KRIT1: variants seen among roughly 807,000 people sequenced by gnomAD.
KRIT1 encodes the protein KRIT1 ankyrin repeat containing.
A neutral mutation model predicts 95.8 loss-of-function variants in KRIT1; 45 were observed. The ratio of observed to expected loss-of-function variants is 0.47; its 90% CI spans 0.37 to 0.60. The LOEUF is 0.60. Among genes scored for constraint, KRIT1 ranks in the 20% least tolerant of loss-of-function variants. KRIT1 has a pLI of 0.00. For synonymous variants in KRIT1, 282 were observed against 278.8 expected, an observed-to-expected ratio of 1.01 and a Z score of -0.11; for missense variants, 788 against 877.5, an observed-to-expected ratio of 0.90 and a Z score of 1.29.
At chr7:92,215,430 C>T (rs1793758446) in intron 14 of KRIT1, among the ~76,000 whole-genome samples, 2 of 152,146 alleles carry the variant, frequency 1.3e-5, no homozygotes, top group South Asian at 4.1e-4. Flanking sequence ...ACTAAAAAGA[C>T]TTTGCACTTT....
rs1180528664 is a variant in KRIT1, at chr7:92,199,947, T to G, written c.*789A>C. On this transcript the variant is annotated 3_prime_UTR_variant, in exon 19 of 19. Coordinates refer to ENST00000394505, the MANE Select transcript of KRIT1 (RefSeq NM_194454.3). The stretch of plus-strand genomic sequence containing the variant: ...ATCAGATTTACATTTTAACTAAGAC[T>G]TTTAAAAAAATGTTGAGAAATGTTT... 2.6e-5 allele frequency: 4 copies of G among 152,322 alleles called. No individual in the cohort carries two copies. Among genetic ancestry groups the G allele is most frequent in the Non-Finnish European group, 5.9e-5 (4 of 68,032 alleles). The allele number at this position is 152,322 out of a possible 1,614,324, so 9.4% of individuals were successfully genotyped here.
chr7:92,209,347 A>T (rs1451643664), intron 17 of KRIT1, among the ~76,000 whole-genome samples: 1 of 152,176 alleles, frequency 6.6e-6, no homozygotes, highest in Non-Finnish European at 1.5e-5. Flanking sequence ...GAAGTACTGG[A>T]AGTCCTAGAG....
chr7:92,214,975 CA>C, intron 14 of KRIT1, among the ~76,000 whole-genome samples, 198 bp from the exon 15 acceptor site: 1 of 152,176 alleles, frequency 6.6e-6, no homozygotes, highest in Non-Finnish European at 1.5e-5. Flanking sequence ...ATCGCTGTTG[CA>C]ACTAATCAAC....
rs536470704 is a variant in KRIT1 at position 92,200,673 on chromosome 7, C to A, written c.*63G>T. 4.6e-5 allele frequency: 51 copies of A among 1,097,704 alleles called. No individual in the cohort carries two copies. Among genetic ancestry groups the A allele is most frequent in the Non-Finnish European group, 7.2e-5 (51 of 711,760 alleles). The allele number at this position is 1,097,704 out of a possible 1,614,324, so 68.0% of individuals were successfully genotyped here. On this transcript the variant is annotated 3_prime_UTR_variant, in exon 19 of 19. Coordinates refer to ENST00000394505, the MANE Select transcript of KRIT1 (RefSeq NM_194454.3). ...GGCCAAAAGTAATATTTTAAGAAAT[C>A]TTTCACGGAAAAAAAACTCTGCATT...
At chr7:92,245,213 C>G (rs975707) in intron 1 of KRIT1, 42 bp from the exon 2 acceptor site, 85,715 of 151,436 alleles carry the variant, frequency 0.57, 25,567 homozygotes, top group African/African-American at 0.77. Context: ...AAGTGAGTTA[C>G]AGGGGGAGAA....
chr7:92,222,772 C>A (rs760714092), intron 13 of KRIT1, 50 bp downstream of exon 13: 2 of 1,160,200 alleles, frequency 1.7e-6, no homozygotes, highest in Non-Finnish European at 2.6e-6. Context: ...CCAACCCACT[C>A]CCAAAAAGGA....
At chr7:92,227,147 C>G (rs1377464299) in intron 10 of KRIT1, among the ~76,000 whole-genome samples, 2 of 152,184 alleles carry the variant, frequency 1.3e-5, no homozygotes, top group African/African-American at 4.8e-5. Context: ...AAGAGACAAA[C>G]ATGTATAAAA....
chr7:92,245,680 T>A (rs1800818644), intron 1 of KRIT1, 110 bp downstream of exon 1: 1 of 152,486 alleles, frequency 6.6e-6, no homozygotes, highest in Non-Finnish European at 1.5e-5. Context: ...CAGCTTCCTG[T>A]GGCAGAAAAA....
intron 5 of KRIT1, among the ~76,000 whole-genome samples, chr7:92,238,991 T>C (rs1799002197): frequency 6.6e-6 from 1 of 152,236 alleles, no homozygotes; most frequent in Admixed American, 6.5e-5. Flanking sequence ...ATTTGTGATT[T>C]TCATGTGATG....
chr7:92,241,039 T>C lies in KRIT1; in HGVS notation c.216A>G (p.Val72=), dbSNP rs1227372617. Residue 72 remains valine, a synonymous_variant, in exon 5 of 19, where the codon GTA becomes GTG. Coordinates refer to ENST00000394505, the MANE Select transcript of KRIT1 (RefSeq NM_194454.3). Reference sequence around the variant, plus strand: ...GAGAAATTGGTTTGGTGGTTTCTACTACGTAATCCAATATGCCTTGTGTTA... The same window carrying C: ...GAGAAATTGGTTTGGTGGTTTCTACCACGTAATCCAATATGCCTTGTGTTA... ...SEITQGILDY[V]VETTKPISPA... 6.2e-7 allele frequency: 1 copy of C among 1,612,812 alleles called. No individual in the cohort carries two copies.
intron 13 of KRIT1, 71 bp downstream of exon 13, chr7:92,222,748 AGTT>A: frequency 1.2e-6 from 1 of 854,994 alleles, no homozygotes; most frequent in South Asian, 1.4e-5. Flanking sequence ...AATAAAAAGA[AGTT>A]GTATTTTCTA....
rs886062486 is a variant in KRIT1 at position 92,200,285 on chromosome 7, A to G, written c.*451T>C. On this transcript the variant is annotated 3_prime_UTR_variant, in exon 19 of 19. Coordinates refer to ENST00000394505, the MANE Select transcript of KRIT1 (RefSeq NM_194454.3). ...CTAATTGGTATATTACACACCAAACATAAGTACAGATTCTGTACAATGTAA... is the reference window on the plus strand; with the variant it reads ...CTAATTGGTATATTACACACCAAACGTAAGTACAGATTCTGTACAATGTAA... The G allele has an allele frequency of 2.4e-4, 42 of 177,512 alleles. No homozygotes were observed. The highest frequency in any genetic ancestry group is 2.6e-4 in the Non-Finnish European group (21 of 81,984). 11.0% of individuals were successfully genotyped at this position (177,512 alleles called of 1,614,324 possible).
At position 92,235,580 on chromosome 7, in the gene KRIT1, C is replaced by A; in HGVS notation, c.552G>T (p.Glu184Asp). The part of the protein sequence containing the change: ...IPALFRPSPL[E>D]RIKTNVINPA... ...GATTTATGACATTAGTTTTTATCCG[C>A]TCAAGAGGAGAAGGTCGGAATAAAG... The change falls in exon 8 of 19, where the codon GAG becomes GAT. Residue 184 changes from glutamate to aspartate, a missense_variant. Glu to Asp is a conservative substitution (Grantham distance 45, BLOSUM62 2). Transcript: ENST00000394505. The A allele has an allele frequency of 6.2e-7, 1 of 1,613,834 alleles. No homozygotes were observed. Among genetic ancestry groups the A allele is most frequent in the South Asian group, 1.1e-5 (1 of 91,078 alleles).
At chr7:92,214,529 T>C in intron 15 of KRIT1, 82 bp downstream of exon 15, 1 of 1,033,444 alleles carries the variant, frequency 9.7e-7, no homozygotes, top group South Asian at 1.4e-5. Context: ...GTATAAATAT[T>C]TTCTAATAAC....
intron 10 of KRIT1, among the ~76,000 whole-genome samples, chr7:92,229,275 T>G (rs1257255514): frequency 1.3e-5 from 2 of 152,188 alleles, no homozygotes; most frequent in African/African-American, 4.8e-5. Context: ...TTTTTAATCA[T>G]AGCCATTCTG....
At position 92,213,210 on chromosome 7, in the gene KRIT1, G is replaced by T. The variant is rs865972530; in HGVS notation, c.2010C>A (p.Leu670=). The T allele has an allele frequency of 6.2e-7, 1 of 1,608,674 alleles. No individual in the cohort carries two copies. ...VGVNIKGLHL[L]NMETKALLIS... is the part of the protein sequence containing the mutation. The stretch of plus-strand genomic sequence containing the variant: ...GAAAATCTACCTTAGTTTCCATGTT[G>T]AGGAGATGAAGTCCTTTTATATTCA... The change falls in exon 17 of 19, where the codon CTC becomes CTA. Residue 670 remains leucine, a synonymous_variant. Coordinates refer to ENST00000394505, the MANE Select transcript of KRIT1 (RefSeq NM_194454.3).
chr7:92,226,696 C>T lies in KRIT1; in HGVS notation c.990-14G>A. The T allele has an allele frequency of 1.2e-6, 2 of 1,609,570 alleles. No individual in the cohort carries two copies. Among genetic ancestry groups the T allele is most frequent in the South Asian group, 1.1e-5 (1 of 90,398 alleles). ...ACTTTTCCATACCTGTATAAAAAAA[C>T]AAACAAACAAAAAACAACAACAAAA... On this transcript the variant is annotated splice_polypyrimidine_tract_variant and intron_variant, in intron 10 of 18. Transcript: ENST00000394505.
chr7:92,228,293 C>T (rs547224755), intron 10 of KRIT1, among the ~76,000 whole-genome samples: 2 of 152,302 alleles, frequency 1.3e-5, no homozygotes, highest in Non-Finnish European at 2.9e-5. Flanking sequence ...CTCTTGGTTA[C>T]AGCCAAAGAC....
At chr7:92,213,784 T>C (rs1431034463) in intron 16 of KRIT1, 108 bp downstream of exon 16, 1 of 730,466 alleles carries the variant, frequency 1.4e-6, no homozygotes, top group South Asian at 1.5e-5. Flanking sequence ...GATACATTTT[T>C]AATTTCAGGA....
Sources: gnomAD v4.1 joint callset for allele counts (sites outside exome capture counted in the v4.1 genomes callset) on GRCh38, gnomAD v4.1.1 for gene constraint, MANE v1.5 for transcripts, NCBI Gene and HGNC (gene_info 2026-07-23, HGNC 2026-07-21) for gene names.